The following FAM3D variants were observed in gnomAD, a reference collection of about 807,000 sequenced individuals.
The protein encoded by FAM3D is protein FAM3D.
Under a neutral mutation model 29.8 loss-of-function variants are expected in FAM3D, and 26 were observed. That is an observed-to-expected ratio of 0.87 (90% CI 0.64 to 1.21). The LOEUF (loss-of-function observed/expected upper bound fraction) is 1.21, where lower values mean the gene tolerates loss of function less well. Ranked by LOEUF, FAM3D falls within the 50% of genes most tolerant of loss-of-function variation. The pLI is 0.00. For missense variants in FAM3D, 253 were observed against 290.9 expected (o/e 0.87, Z 0.95); for synonymous variants, 115 against 102.3 (o/e 1.12, Z -0.75).
chr3:58,663,787 C>T lies in FAM3D; in HGVS notation c.-39+2789G>A, dbSNP rs374781730. ...GAACCAGTTGTACCTGCAGAAAGGT[C>T]CAAGGCCTTGGTTTTGTGCCTGGCT... On this transcript the variant is annotated intron_variant, in intron 1 of 9. Coordinates refer to ENST00000358781, the MANE Select transcript of FAM3D (RefSeq NM_138805.3). Among the ~76,000 whole-genome samples, 30 of 152,286 alleles carry T rather than the reference C, an allele frequency of 2.0e-4. No individual in the cohort carries two copies. In the South Asian group the frequency reaches 5.2e-3, roughly 26 times the overall value.
intron 5 of FAM3D, among the ~76,000 whole-genome samples, chr3:58,644,626 C>T (rs2106792119): frequency 6.6e-6 from 1 of 152,320 alleles, no homozygotes; most frequent in African/African-American, 2.4e-5. Flanking sequence ...TGACCCAGGC[C>T]AATCAATGAA....
intron 1 of FAM3D, among the ~76,000 whole-genome samples, chr3:58,658,183 G>A (rs2066861184): frequency 6.6e-6 from 1 of 152,188 alleles, no homozygotes; most frequent in Admixed American, 6.5e-5. Context: ...CAGGTCAGCC[G>A]TGTGTGTAAG....
At chr3:58,652,433 C>T (rs1223868553) in intron 3 of FAM3D, among the ~76,000 whole-genome samples, 2 of 151,824 alleles carry the variant, frequency 1.3e-5, no homozygotes, top group Non-Finnish European at 2.9e-5. Flanking sequence ...ACCCATCTAG[C>T]CATCCACCCA....
rs2066398085 is a variant in FAM3D at position 58,643,690 on chromosome 3, G to T, written c.294C>A (p.Gly98=). The change falls in exon 6 of 10, where the codon GGC becomes GGA. Residue 98 remains glycine (G), a synonymous_variant. Coordinates refer to ENST00000358781, the MANE Select transcript of FAM3D (RefSeq NM_138805.3). ...TCACCAGGGCGATGTTTAGGCCTCTGCCCACATTGTTTTTCACAGGACTCA... is the reference window on the plus strand; with the variant it reads ...TCACCAGGGCGATGTTTAGGCCTCTTCCCACATTGTTTTTCACAGGACTCA... ...MIMSPVKNNV[G]RGLNIALVNG... 1 of 1,613,870 alleles carries T rather than the reference G, an allele frequency of 6.2e-7. No homozygotes were observed.
intron 4 of FAM3D, 150 bp downstream of exon 4, chr3:58,649,165 G>C: frequency 1.0e-6 from 1 of 959,712 alleles, no homozygotes; most frequent in Non-Finnish European, 1.5e-6. Flanking sequence ...GCCATGGGAG[G>C]AGAGGACTGG....
chr3:58,664,751 C>G (rs549679606), intron 1 of FAM3D, among the ~76,000 whole-genome samples: 3 of 152,290 alleles, frequency 2.0e-5, no homozygotes, highest in Admixed American at 2.0e-4. Flanking sequence ...CAGGCCACAC[C>G]CTTGGGGGAG....
At chr3:58,665,881 C>T (rs1039211072) in intron 1 of FAM3D, among the ~76,000 whole-genome samples, 9 of 152,144 alleles carry the variant, frequency 5.9e-5, no homozygotes, top group Non-Finnish European at 1.0e-4. Flanking sequence ...ATCATAGTTG[C>T]GTAGACAATG....
chr3:58,659,467 C>A (rs1396033296), intron 1 of FAM3D, among the ~76,000 whole-genome samples: 1 of 152,226 alleles, frequency 6.6e-6, no homozygotes, highest in African/African-American at 2.4e-5. Flanking sequence ...TGCTGTCTCT[C>A]CAGGCTGAGA....
intron 1 of FAM3D, among the ~76,000 whole-genome samples, chr3:58,662,119 G>C (rs1222776234): frequency 6.6e-6 from 1 of 151,602 alleles, no homozygotes; most frequent in East Asian, 2.0e-4. Context: ...TTTCCCCAGA[G>C]AGGACAAACT....
At chr3:58,636,845 T>G (rs538310164) in intron 8 of FAM3D, among the ~76,000 whole-genome samples, 2 of 152,328 alleles carry the variant, frequency 1.3e-5, no homozygotes, top group South Asian at 4.1e-4. Flanking sequence ...ACCATCATTT[T>G]TGATGCAGTC....
chr3:58,635,622 C>T lies in FAM3D; in HGVS notation c.585+672G>A, dbSNP rs953218844. On this transcript the variant is annotated intron_variant, in intron 9 of 9. Coordinates refer to ENST00000358781, the MANE Select transcript of FAM3D (RefSeq NM_138805.3). This position sits in a 1 kb window ranked among gnomAD's most constrained non-coding sequence, Gnocchi z 5.2. ...TGCTGCAGCACCCCCACAGGACATT[C>T]GGGAACCACACCCGGCCGCCCCCGC... Among the ~76,000 whole-genome samples the T allele has an allele frequency of 6.6e-6, 1 of 152,222 alleles. No individual in the cohort carries two copies. Among genetic ancestry groups the T allele is most frequent in the South Asian group, 2.1e-4 (1 of 4,834 alleles).
intron 6 of FAM3D, 106 bp from the exon 7 acceptor site, chr3:58,640,283 G>T: frequency 1.5e-6 from 2 of 1,295,226 alleles, no homozygotes; most frequent in Non-Finnish European, 2.2e-6. Flanking sequence ...AACAGAATAA[G>T]AATCTAATGA....
intron 7 of FAM3D, 42 bp downstream of exon 7, chr3:58,640,085 C>T (rs765716566): frequency 6.2e-6 from 10 of 1,609,508 alleles, no homozygotes; most frequent in South Asian, 3.3e-5. Flanking sequence ...CCCTCTGCAC[C>T]GCACCCCCGA....
At chr3:58,666,394 T>C (rs1553638064) in intron 1 of FAM3D, among the ~76,000 whole-genome samples, 182 bp downstream of exon 1, 2 of 152,220 alleles carry the variant, frequency 1.3e-5, no homozygotes, top group Non-Finnish European at 2.9e-5. Flanking sequence ...ATGAAATCTA[T>C]TTGCCTTCCT....
chr3:58,650,219 C>T (rs543270237), intron 3 of FAM3D, among the ~76,000 whole-genome samples: 3 of 152,200 alleles, frequency 2.0e-5, no homozygotes, highest in African/African-American at 7.2e-5. Flanking sequence ...GGAACCCCCC[C>T]CAACACTTAC....
chr3:58,656,894 C>G (rs183374686), intron 1 of FAM3D, among the ~76,000 whole-genome samples: 47 of 152,274 alleles, frequency 3.1e-4, no homozygotes, highest in African/African-American at 1.1e-3. Flanking sequence ...CTGAACCAGT[C>G]CTTAATGTTT....
At chr3:58,649,361 TTA>T (rs2066564731) in intron 3 of FAM3D, 23 bp from the exon 4 acceptor site, 6 of 1,613,554 alleles carry the variant, frequency 3.7e-6, no homozygotes, top group Non-Finnish European at 5.1e-6. Context: ...CAGAATCTGG[TTA>T]GAGGAAAAGC....
chr3:58,636,818 C>T (rs58465099), intron 8 of FAM3D, among the ~76,000 whole-genome samples: 1,593 of 152,236 alleles, frequency 0.01, 29 homozygotes, highest in African/African-American at 0.037. Flanking sequence ...TTTTCCACGT[C>T]CTTAAATACT....
chr3:58,647,698 G>A (rs918077825), intron 4 of FAM3D, among the ~76,000 whole-genome samples: 4 of 152,212 alleles, frequency 2.6e-5, no homozygotes, highest in African/African-American at 4.8e-5. Context: ...CCTCTGGGAG[G>A]CAGGAGATTT....
Sources: gnomAD v4.1 joint callset for allele counts (sites outside exome capture counted in the v4.1 genomes callset) on GRCh38, gnomAD v4.1.1 for gene constraint, Gnocchi (gnomAD v3.1) non-coding constraint, MANE v1.5 for transcripts, NCBI Gene and HGNC (gene_info 2026-07-23, HGNC 2026-07-21) for gene names.